BLK: variants seen among roughly 807,000 people sequenced by gnomAD.
The protein encoded by BLK is BLK proto-oncogene, Src family tyrosine kinase, also known as tyrosine-protein kinase Blk.
Under a neutral mutation model 61.8 loss-of-function variants are expected in BLK, and 64 were observed. The observed-to-expected ratio is 1.03, with a 90% CI of 0.85 to 1.27. The LOEUF is 1.27. BLK is among the 50% of genes most tolerant of loss of function. The pLI is 0.00. For missense variants in BLK, 853 were observed against 660.5 expected, an observed-to-expected ratio of 1.29 and a Z score of -3.19; for synonymous variants, 351 against 272.0, an observed-to-expected ratio of 1.29 and a Z score of -2.86.
intron 1 of BLK, among the ~76,000 whole-genome samples, chr8:11,497,508 C>A (rs1387804652): frequency 6.6e-6 from 1 of 152,184 alleles, no homozygotes; most frequent in Non-Finnish European, 1.5e-5. Context: ...GGTTTGCAGG[C>A]CTGCCAGGTT....
intron 11 of BLK, 127 bp downstream of exon 11, chr8:11,561,579 C>T: frequency 7.9e-7 from 1 of 1,261,874 alleles, no homozygotes; most frequent in Non-Finnish European, 1.1e-6. Flanking sequence ...GTTTCTACAG[C>T]TCTAGATCAG....
intron 1 of BLK, among the ~76,000 whole-genome samples, chr8:11,504,376 GA>G (rs1563420687): frequency 1.6e-4 from 8 of 49,058 alleles, no homozygotes; most frequent in Non-Finnish European, 1.9e-4. Context: ...AGAAAGAAAA[GA>G]AAAGAAAAGA....
chr8:11,526,359 C>T (rs952838892), intron 1 of BLK, among the ~76,000 whole-genome samples: 3 of 152,192 alleles, frequency 2.0e-5, no homozygotes, highest in Non-Finnish European at 2.9e-5. Context: ...TGCTCACAAA[C>T]ACTGCTTTCA....
chr8:11,563,845 C>T, intron 12 of BLK, 58 bp from the exon 13 acceptor site: 2 of 1,520,824 alleles, frequency 1.3e-6, no homozygotes, highest in South Asian at 1.2e-5. Flanking sequence ...CGCTCAGGGC[C>T]CCCCACCCAC....
At chr8:11,551,446 A>C (rs1800899727) in intron 6 of BLK, among the ~76,000 whole-genome samples, 1 of 152,166 alleles carries the variant, frequency 6.6e-6, no homozygotes, top group Admixed American at 6.5e-5. Flanking sequence ...GGGCCCACCC[A>C]TATGACCTCA....
intron 3 of BLK, 133 bp downstream of exon 3, chr8:11,546,236 G>A: frequency 9.1e-7 from 1 of 1,097,084 alleles, no homozygotes. Context: ...GCTGAGAGAG[G>A]CCCCGGCTCT....
At chr8:11,496,706 G>C (rs1798370953) in intron 1 of BLK, among the ~76,000 whole-genome samples, 1 of 152,180 alleles carries the variant, frequency 6.6e-6, no homozygotes. Context: ...CAGAAAGCCA[G>C]GAATGGAGAG....
chr8:11,535,877 C>G (rs546959220), intron 1 of BLK, among the ~76,000 whole-genome samples: 1 of 152,296 alleles, frequency 6.6e-6, no homozygotes, highest in African/African-American at 2.4e-5. Flanking sequence ...AAGTGATGAA[C>G]CATCACAAGG....
chr8:11,561,371 C>T lies in BLK; in HGVS notation c.1099C>T (p.Leu367=). ...IHRDLRAANI[L]VSEALCCKIA... is the part of the protein sequence containing the mutation. ...CCGCGACCTGCGGGCGGCCAACATC[C>T]TGGTGTCTGAGGCCTTGTGCTGCAA... Residue 367 remains leucine, a synonymous_variant, in exon 11 of 13, where the codon CTG becomes TTG. Transcript: ENST00000259089. 3 of 1,614,162 alleles carry T rather than the reference C, an allele frequency of 1.9e-6. No homozygotes were observed. Among genetic ancestry groups the T allele is most frequent in the African/African-American group, 1.3e-5 (1 of 75,054 alleles).
intron 6 of BLK, chr8:11,553,511 T>C (rs1405961479): frequency 3.2e-6 from 1 of 312,910 alleles, no homozygotes; most frequent in South Asian, 2.7e-5. Context: ...AAGCACCAGC[T>C]TGGGAAGCGT....
At chr8:11,514,379 G>A (rs976138891) in intron 1 of BLK, among the ~76,000 whole-genome samples, 2 of 152,232 alleles carry the variant, frequency 1.3e-5, no homozygotes, top group African/African-American at 4.8e-5. Flanking sequence ...GCAGAAGGAC[G>A]CTAAACAAGG....
In BLK at chr8:11,564,578, C is replaced by A. The variant is rs553865167; in HGVS notation, c.*470C>A. The A allele has an allele frequency of 6.2e-4, 263 of 427,336 alleles. No homozygotes were observed. The highest frequency in any genetic ancestry group is 4.9e-3 in the African/African-American group (245 of 49,538). 26.5% of individuals were successfully genotyped at this position (427,336 alleles called of 1,614,324 possible). ...GCTCCAGCACTGCGGGGCTTTTCTG[C>A]AATAAAGTCACGAGCGTTCGAGCTG... is the stretch of plus-strand genomic sequence containing the variant. On this transcript the variant is annotated 3_prime_UTR_variant, in exon 13 of 13. Transcript: ENST00000259089.
intron 6 of BLK, 79 bp downstream of exon 6, chr8:11,550,341 A>C: frequency 7.3e-7 from 1 of 1,362,030 alleles, no homozygotes; most frequent in Non-Finnish European, 1.0e-6. Flanking sequence ...CCCTGGAGTG[A>C]GAGGGGAAGG....
At position 11,556,875 on chromosome 8, in the gene BLK, C is replaced by T. The variant is rs373152504; in HGVS notation, c.952+38C>T. ...GCAGAGCCGCATCCTCAGAGCGAGGCGGGAGGGCCGGGCTTAGCAGGAGGA... is the reference window on the plus strand; with the variant it reads ...GCAGAGCCGCATCCTCAGAGCGAGGTGGGAGGGCCGGGCTTAGCAGGAGGA... On this transcript the variant is annotated intron_variant, in intron 9 of 12. Transcript: ENST00000259089. 44 of 1,582,166 alleles carry T rather than the reference C, an allele frequency of 2.8e-5. No homozygotes were observed. In the African/African-American group the frequency reaches 3.4e-4, roughly 12 times the overall value.
At chr8:11,548,538 C>T (rs1259112215) in intron 4 of BLK, among the ~76,000 whole-genome samples, 1 of 152,216 alleles carries the variant, frequency 6.6e-6, no homozygotes. Flanking sequence ...CGCTTTAGCT[C>T]ATTTCCCATG....
intron 1 of BLK, among the ~76,000 whole-genome samples, chr8:11,528,818 G>C (rs1799779411): frequency 1.4e-5 from 2 of 147,090 alleles, no homozygotes; most frequent in South Asian, 4.2e-4. Flanking sequence ...GATGGAGGTG[G>C]AAGGCATTAT....
At chr8:11,526,032 C>T (rs1001561258) in intron 1 of BLK, among the ~76,000 whole-genome samples, 2 of 152,192 alleles carry the variant, frequency 1.3e-5, no homozygotes, top group Non-Finnish European at 2.9e-5. Context: ...CTCGGCCTCC[C>T]AAAGTGCTGG....
At chr8:11,560,750 A>G in intron 10 of BLK, 1 of 422,452 alleles carries the variant, frequency 2.4e-6, no homozygotes, top group Non-Finnish European at 4.9e-6. Context: ...CTTGGTCACA[A>G]ATCAACCTCG....
intron 1 of BLK, among the ~76,000 whole-genome samples, chr8:11,532,607 T>C (rs1335869285): frequency 1.3e-5 from 2 of 152,232 alleles, no homozygotes; most frequent in African/African-American, 2.4e-5. Flanking sequence ...CATTGTCTTA[T>C]TGCTTTCAGT....
Sources: allele counts gnomAD v4.1 joint callset (sites outside exome capture counted in the v4.1 genomes callset), GRCh38; gene constraint gnomAD v4.1.1; transcripts MANE v1.5; gene names NCBI Gene and HGNC (gene_info 2026-07-23, HGNC 2026-07-21).